MINDY2: variants seen among roughly 807,000 people sequenced by gnomAD.
MINDY2 encodes ubiquitin carboxyl-terminal hydrolase MINDY-2.
In MINDY2, 52 loss-of-function variants were observed where a neutral mutation model predicts 68.2. That is an observed-to-expected ratio of 0.76 (90% CI 0.61 to 0.96). The LOEUF is 0.96. Ranked by LOEUF, MINDY2 falls within the 40% of genes least tolerant of loss-of-function variation. MINDY2 has a pLI of 0.00. For synonymous variants in MINDY2, 372 were observed against 303.0 expected (o/e 1.23, Z -2.36); for missense variants, 881 against 773.4 (o/e 1.14, Z -1.65).
At chr15:58,838,731 C>A (rs993258104) in intron 6 of MINDY2, among the ~76,000 whole-genome samples, 4 of 151,612 alleles carry the variant, frequency 2.6e-5, no homozygotes, top group Admixed American at 2.6e-4. Flanking sequence ...GGATTACAGG[C>A]GGGTACCACC....
intron 4 of MINDY2, among the ~76,000 whole-genome samples, chr15:58,819,300 T>C (rs2030905671): frequency 6.6e-6 from 1 of 152,062 alleles, no homozygotes; most frequent in South Asian, 2.1e-4. Context: ...ATTTAAAAAT[T>C]AGCTGGGTGT....
At chr15:58,844,559 CAAAA>C (rs34592774) in intron 6 of MINDY2, among the ~76,000 whole-genome samples, 4 of 66,884 alleles carry the variant, frequency 6.0e-5, no homozygotes, top group Non-Finnish European at 5.8e-5. Flanking sequence ...GACTCCGTCT[CAAAA>C]AAAAAAAAAA....
intron 2 of MINDY2, among the ~76,000 whole-genome samples, chr15:58,793,993 G>A (rs953850652): frequency 2.6e-5 from 4 of 152,112 alleles, no homozygotes; most frequent in Non-Finnish European, 5.9e-5. Context: ...ACGAGTCCAG[G>A]CCTGAATAAT....
chr15:58,845,409 G>C (rs534833417), intron 6 of MINDY2, among the ~76,000 whole-genome samples: 3 of 152,108 alleles, frequency 2.0e-5, no homozygotes, highest in Admixed American at 2.0e-4. Context: ...CCATCTTAAA[G>C]AAAAAAGATA....
At chr15:58,843,612 C>CA in intron 6 of MINDY2, among the ~76,000 whole-genome samples, 1 of 152,098 alleles carries the variant, frequency 6.6e-6, no homozygotes, top group East Asian at 1.9e-4. Context: ...GTATTAACAA[C>CA]ATACCTGACA....
At chr15:58,787,379 A>C (rs1196303668) in intron 1 of MINDY2, among the ~76,000 whole-genome samples, 7 of 151,970 alleles carry the variant, frequency 4.6e-5, no homozygotes, top group Admixed American at 2.0e-4. Context: ...TAAGCTTTGC[A>C]TTACTTTTAA....
At position 58,856,196 on chromosome 15, in the gene MINDY2, C is replaced by A. The variant is rs1440198320; in HGVS notation, c.*1586C>A. On this transcript the variant is annotated 3_prime_UTR_variant, in exon 9 of 9. Coordinates refer to ENST00000559228, the MANE Select transcript of MINDY2 (RefSeq NM_001040450.3). Reference sequence around the variant, plus strand: ...CTGCTGCAAATAGTTGTGTGCTTTACATTCTAAGCTTCAGTACATTTATTT... The same window carrying A: ...CTGCTGCAAATAGTTGTGTGCTTTAAATTCTAAGCTTCAGTACATTTATTT... 1 of 152,624 alleles carries A rather than the reference C, an allele frequency of 6.6e-6. No homozygotes were observed. The highest frequency in any genetic ancestry group is 1.5e-5 in the Non-Finnish European group (1 of 68,036). 9.5% of individuals were successfully genotyped at this position (152,624 alleles called of 1,614,324 possible). A position where few individuals can be genotyped will look rare whatever the true frequency, so the allele number is the denominator to read the frequency against.
At chr15:58,835,063 T>G (rs576574723) in intron 6 of MINDY2, among the ~76,000 whole-genome samples, 1 of 152,344 alleles carries the variant, frequency 6.6e-6, no homozygotes, top group South Asian at 2.1e-4. Context: ...ATTCATTTAT[T>G]TAACAAATAT....
At chr15:58,782,841 C>T (rs747378765) in intron 1 of MINDY2, among the ~76,000 whole-genome samples, 1 of 148,218 alleles carries the variant, frequency 6.7e-6, no homozygotes. Context: ...CATAGGATTG[C>T]TGAGGATTCA....
intron 6 of MINDY2, 72 bp from the exon 7 acceptor site, chr15:58,847,225 C>A: frequency 8.1e-7 from 1 of 1,239,226 alleles, no homozygotes; most frequent in Non-Finnish European, 1.1e-6. Flanking sequence ...GATTGTAAAA[C>A]TTTCCTTAAA....
rs79402553 is a variant in MINDY2, at chr15:58,822,983, A to G, written c.1225+1164A>G. Among the ~76,000 whole-genome samples, 226 of 152,316 alleles carry G rather than the reference A, an allele frequency of 1.5e-3. 4 individuals are homozygous for G. The East Asian group carries it at 0.039, about 26-fold the overall frequency. ...AACGACTACAGGAGCATATGAGCAT[A>G]TAAAAGATATGTACATGAATTCCAT... On this transcript the variant is annotated intron_variant, in intron 5 of 8. Transcript: ENST00000559228.
intron 6 of MINDY2, among the ~76,000 whole-genome samples, chr15:58,845,276 G>A (rs1377306742): frequency 6.6e-6 from 1 of 151,954 alleles, no homozygotes; most frequent in African/African-American, 2.4e-5. Flanking sequence ...TGTGATGGTG[G>A]GTATCTGTAA....
At chr15:58,774,156 G>A (rs1900621584) in intron 1 of MINDY2, among the ~76,000 whole-genome samples, 2 of 152,194 alleles carry the variant, frequency 1.3e-5, no homozygotes, top group Non-Finnish European at 2.9e-5. Flanking sequence ...ATGATCAAGT[G>A]TTTGGGTTCC....
chr15:58,778,474 A>G (rs556947020), intron 1 of MINDY2, among the ~76,000 whole-genome samples: 20 of 151,874 alleles, frequency 1.3e-4, no homozygotes, highest in Non-Finnish European at 2.1e-4. Flanking sequence ...TAGAAACTGT[A>G]AAATAAGGAT....
In MINDY2 at chr15:58,812,436, CAAA is replaced by C. The variant is rs200958606; in HGVS notation, c.1122+2061_1122+2063del. Among the ~76,000 whole-genome samples the C allele has an allele frequency of 8.4e-4, 88 of 104,156 alleles. No homozygotes were observed. In the East Asian group the frequency reaches 0.018, roughly 21 times the overall value. The allele number at this position is 104,156 out of a possible 152,430, so 68.3% of individuals were successfully genotyped here. ...TGGCCAACAGAGCAACGGTCCGTCT[CAAA>C]AAAAAAAAAAAAGAAATAATAAAGA... On this transcript the variant is annotated intron_variant, in intron 4 of 8. Coordinates refer to ENST00000559228, the MANE Select transcript of MINDY2 (RefSeq NM_001040450.3).
At chr15:58,803,820 A>C (rs1389640784) in intron 3 of MINDY2, among the ~76,000 whole-genome samples, 8 of 151,570 alleles carry the variant, frequency 5.3e-5, no homozygotes, top group Non-Finnish European at 1.2e-4. Flanking sequence ...TGCCTCAAAA[A>C]ATAAGAGGCC....
chr15:58,801,784 C>A (rs1338460345), intron 2 of MINDY2, among the ~76,000 whole-genome samples: 1 of 152,130 alleles, frequency 6.6e-6, no homozygotes, highest in Non-Finnish European at 1.5e-5. Flanking sequence ...GGATTACAGG[C>A]ACCCGCCACC....
At chr15:58,788,942 G>T (rs112892709) in intron 2 of MINDY2, among the ~76,000 whole-genome samples, 3,498 of 152,272 alleles carry the variant, frequency 0.023, 45 homozygotes, top group Middle Eastern at 0.044. Context: ...AACTCAAGAG[G>T]TGGAGGTTAC....
chr15:58,771,476 G>A lies in MINDY2; in HGVS notation c.81G>A (p.Gln27=), dbSNP rs760478601. The A allele has an allele frequency of 8.7e-6, 14 of 1,612,574 alleles. No homozygotes were observed. In the South Asian group the frequency reaches 1.5e-4, roughly 18 times the overall value. ...CAGCGTCAGGGACAGGTTCTTCGCAGGAAGGGCTACAGGAGACCAGGCTCG... is the reference window on the plus strand; with the variant it reads ...CAGCGTCAGGGACAGGTTCTTCGCAAGAAGGGCTACAGGAGACCAGGCTCG... ...AGPASGTGSS[Q]EGLQETRLAA... is the part of the protein sequence containing the mutation. Residue 27 remains glutamine, a synonymous_variant, in exon 1 of 9, where the codon CAG becomes CAA. Coordinates refer to ENST00000559228, the MANE Select transcript of MINDY2 (RefSeq NM_001040450.3).
Sources: allele counts gnomAD v4.1 joint callset (sites outside exome capture counted in the v4.1 genomes callset), GRCh38; gene constraint gnomAD v4.1.1; transcripts MANE v1.5; gene names NCBI Gene and HGNC (gene_info 2026-07-23, HGNC 2026-07-21).